KIAA1549: variants seen among roughly 807,000 people sequenced by gnomAD.
KIAA1549 encodes the protein UPF0606 protein KIAA1549.
KIAA1549 carries 70 observed loss-of-function variants against 156.4 expected under a neutral mutation model. The ratio of observed to expected loss-of-function variants is 0.45; its 90% CI spans 0.37 to 0.55. KIAA1549 has a LOEUF of 0.55. KIAA1549 is among the 20% of genes least tolerant of loss of function. The pLI, the probability that KIAA1549 is intolerant of heterozygous loss-of-function variation, is 0.00. For synonymous variants in KIAA1549, 1,103 were observed against 1,066.4 expected, an observed-to-expected ratio of 1.03 and a Z score of -0.67; for missense variants, 2,428 against 2,540.9, an observed-to-expected ratio of 0.96 and a Z score of 0.96.
Position 138,919,127 on chromosome 7 carries a change from T to C in KIAA1549, c.499A>G (p.Thr167Ala), listed in dbSNP as rs537853829. ...ATTGGAGAAACCATCCGTGGAGTGG[T>C]CCAGTGAGTATCTGGCAGAAAGTTA... ...MDNFLPDTHW[T>A]TPRMVSPIQY... The change falls in exon 2 of 20, where the codon ACC becomes GCC. Residue 167 changes from threonine (T) to alanine (A), a missense_variant. Thr to Ala is a moderately conservative substitution (Grantham distance 58). Around this residue, in one of 5 missense-constraint regions of KIAA1549, gnomAD observed 893 missense variants for 847.9 expected, o/e 1.05. Transcript: ENST00000422774. 6.2e-6 allele frequency: 10 copies of C among 1,614,008 alleles called. No homozygotes were observed. In the African/African-American group the frequency reaches 1.1e-4, roughly 17 times the overall value.
intron 1 of KIAA1549, among the ~76,000 whole-genome samples, chr7:138,948,278 C>G (rs1813391671): frequency 6.6e-6 from 1 of 152,160 alleles, no homozygotes; most frequent in Non-Finnish European, 1.5e-5. Flanking sequence ...AATTCGGACA[C>G]AGAGACAGAC....
rs569005078 is a variant in KIAA1549 at position 138,876,268 on chromosome 7, A to G, written c.4345+3270T>C. 3.9e-5 allele frequency: 6 copies of G among 152,366 alleles called. No individual in the cohort carries two copies. In the South Asian group the frequency reaches 1.0e-3, roughly 26 times the overall value. The allele number at this position is 152,366 out of a possible 1,614,324, so 9.4% of individuals were successfully genotyped here. A position where few individuals can be genotyped will look rare whatever the true frequency, so the allele number is the denominator to read the frequency against. The stretch of plus-strand genomic sequence containing the variant: ...CTTTATGATCTCAATCATTTTATAA[A>G]TGGTACAGTACTCCAAAATTACTTG... On this transcript the variant is annotated intron_variant, in intron 12 of 19. Coordinates refer to ENST00000422774, the MANE Select transcript of KIAA1549 (RefSeq NM_001164665.2).
intron 15 of KIAA1549, among the ~76,000 whole-genome samples, chr7:138,862,294 AT>A (rs1810608690): frequency 1.3e-5 from 2 of 152,164 alleles, no homozygotes; most frequent in South Asian, 4.2e-4. Context: ...GAGGCCAGGA[AT>A]TTGAGACTAA....
At chr7:138,838,315 G>A (rs1042501976) in intron 19 of KIAA1549, among the ~76,000 whole-genome samples, 155 bp from the exon 20 acceptor site, 2 of 152,344 alleles carry the variant, frequency 1.3e-5, no homozygotes, top group African/African-American at 2.4e-5. Flanking sequence ...CAGGTGAGGC[G>A]TGAAGACACC....
intron 1 of KIAA1549, among the ~76,000 whole-genome samples, chr7:138,942,908 C>CA (rs34506092): frequency 0.015 from 2,034 of 138,786 alleles, 15 homozygotes; most frequent in South Asian, 0.023. Context: ...GACTCCGTCT[C>CA]AAAAAAAAAA....
chr7:138,924,620 T>A (rs563778153), intron 1 of KIAA1549, among the ~76,000 whole-genome samples: 1 of 152,074 alleles, frequency 6.6e-6, no homozygotes, highest in South Asian at 2.1e-4. Context: ...AACAAAAACT[T>A]CGTATTAAGA....
chr7:138,886,556 C>T (rs757724289), intron 10 of KIAA1549, among the ~76,000 whole-genome samples: 4 of 152,228 alleles, frequency 2.6e-5, no homozygotes, highest in Middle Eastern at 6.8e-3. Context: ...GGACTACAGA[C>T]GTGAGCCACT....
intron 16 of KIAA1549, among the ~76,000 whole-genome samples, chr7:138,860,558 G>A (rs142751756): frequency 2.6e-3 from 391 of 152,220 alleles, no homozygotes; most frequent in Non-Finnish European, 4.2e-3. Flanking sequence ...CCATCTCTCA[G>A]GAAGGTAAAT....
intron 1 of KIAA1549, among the ~76,000 whole-genome samples, chr7:138,975,162 T>G (rs1482727594): frequency 1.3e-5 from 2 of 152,042 alleles, no homozygotes; most frequent in African/African-American, 4.8e-5. Flanking sequence ...ATGCTCAGAG[T>G]GTGGGGACCA....
intron 12 of KIAA1549, among the ~76,000 whole-genome samples, chr7:138,877,262 G>A (rs1040970258): frequency 6.6e-6 from 1 of 152,246 alleles, no homozygotes; most frequent in African/African-American, 2.4e-5. Context: ...GGGAGGCCGA[G>A]GTGGGCAGAT....
chr7:138,921,494 T>C (rs1362308567), intron 1 of KIAA1549, among the ~76,000 whole-genome samples: 1 of 152,148 alleles, frequency 6.6e-6, no homozygotes, highest in East Asian at 1.9e-4. Context: ...ACAGGGTCAG[T>C]GTAGATGTAA....
chr7:138,891,265 G>A (rs971111515), intron 10 of KIAA1549, among the ~76,000 whole-genome samples: 8 of 152,336 alleles, frequency 5.3e-5, no homozygotes, highest in South Asian at 4.1e-4. Context: ...AGCTCCAGCC[G>A]GTTGCCCAAA....
At chr7:138,853,481 T>C (rs1291119282) in intron 16 of KIAA1549, among the ~76,000 whole-genome samples, 2 of 152,226 alleles carry the variant, frequency 1.3e-5, no homozygotes, top group Non-Finnish European at 2.9e-5. Context: ...TGTGAACAAA[T>C]ATCTATTTTG....
chr7:138,885,072 G>A (rs560868510), intron 10 of KIAA1549, among the ~76,000 whole-genome samples: 1 of 152,294 alleles, frequency 6.6e-6, no homozygotes, highest in South Asian at 2.1e-4. Context: ...GCACGTGCCT[G>A]TAATCCCAGC....
chr7:138,963,264 C>G (rs558668489), intron 1 of KIAA1549, among the ~76,000 whole-genome samples: 1 of 152,330 alleles, frequency 6.6e-6, no homozygotes, highest in South Asian at 2.1e-4. Flanking sequence ...CAGAACCAGA[C>G]AAGATGCAAA....
chr7:138,848,526 G>A (rs188963608), intron 17 of KIAA1549, among the ~76,000 whole-genome samples: 15 of 152,262 alleles, frequency 9.9e-5, no homozygotes, highest in Admixed American at 8.5e-4. Context: ...CAATGTGGTT[G>A]TAATATGAGA....
chr7:138,956,799 A>T (rs1171638295), intron 1 of KIAA1549, among the ~76,000 whole-genome samples: 1 of 152,188 alleles, frequency 6.6e-6, no homozygotes, highest in Non-Finnish European at 1.5e-5. Context: ...CATTCATATG[A>T]TCATTTACCT....
chr7:138,894,842 C>A (rs1042249991), intron 9 of KIAA1549, among the ~76,000 whole-genome samples: 3 of 152,236 alleles, frequency 2.0e-5, no homozygotes, highest in African/African-American at 7.2e-5. Context: ...TAACTTATCA[C>A]TGCAGGATAT....
chr7:138,945,269 C>A (rs1360670872), intron 1 of KIAA1549, among the ~76,000 whole-genome samples: 1 of 152,204 alleles, frequency 6.6e-6, no homozygotes, highest in Admixed American at 6.5e-5. Context: ...GTAACACTCA[C>A]CCCAGGTGCC....
Sources: allele counts gnomAD v4.1 joint callset (sites outside exome capture counted in the v4.1 genomes callset), GRCh38; gene constraint gnomAD v4.1.1; regional missense constraint gnomAD v4.1.1; transcripts MANE v1.5; gene names NCBI Gene and HGNC (gene_info 2026-07-23, HGNC 2026-07-21).